OR3A2: variants seen among roughly 807,000 people sequenced by gnomAD.
The protein encoded by OR3A2 is olfactory receptor 3A2.
For missense variants in OR3A2, 318 were observed against 392.8 expected (o/e 0.81, Z 1.61); for synonymous variants, 126 against 159.3 (o/e 0.79, Z 1.57).
intron 2 of OR3A2, among the ~76,000 whole-genome samples, chr17:3,369,110 C>A (rs1270956515): frequency 1.3e-5 from 2 of 152,108 alleles, no homozygotes; most frequent in Non-Finnish European, 2.9e-5. Flanking sequence ...TTACTTAATT[C>A]ATTTATCAGA....
At chr17:3,359,387 GTA>G (rs1284113213) in intron 2 of OR3A2, among the ~76,000 whole-genome samples, 2 of 151,670 alleles carry the variant, frequency 1.3e-5, no homozygotes, top group South Asian at 2.1e-4. Context: ...GTGTGTTTAA[GTA>G]TGTTTTTGTA....
intron 2 of OR3A2, among the ~76,000 whole-genome samples, chr17:3,379,962 G>A (rs1047523769): frequency 6.6e-6 from 1 of 152,192 alleles, no homozygotes; most frequent in Non-Finnish European, 1.5e-5. Flanking sequence ...ACTAGCTGAG[G>A]ACTGAGGAGT....
intron 2 of OR3A2, among the ~76,000 whole-genome samples, chr17:3,379,758 C>T (rs569715975): frequency 6.6e-6 from 1 of 152,316 alleles, no homozygotes; most frequent in African/African-American, 2.4e-5. Context: ...GCCAGGGTCA[C>T]TAACACACCC....
chr17:3,341,298 C>A (rs1380753850), intron 2 of OR3A2, among the ~76,000 whole-genome samples: 1 of 152,112 alleles, frequency 6.6e-6, no homozygotes, highest in African/African-American at 2.4e-5. Flanking sequence ...GAATTTGATT[C>A]TGTCATTATG....
chr17:3,356,462 T>G (rs964470662), intron 2 of OR3A2, among the ~76,000 whole-genome samples: 8 of 151,532 alleles, frequency 5.3e-5, no homozygotes, highest in African/African-American at 2.0e-4. Flanking sequence ...GAGAAGATCT[T>G]TATTTTCCTT....
chr17:3,385,464 T>TAGAC (rs1449654777), intron 1 of OR3A2, among the ~76,000 whole-genome samples: 3 of 152,118 alleles, frequency 2.0e-5, no homozygotes, highest in Admixed American at 6.5e-5. Context: ...GATAGATAGA[T>TAGAC]AGATAGAGGA....
At chr17:3,378,294 G>T (rs944432966) in intron 2 of OR3A2, among the ~76,000 whole-genome samples, 6 of 152,230 alleles carry the variant, frequency 3.9e-5, no homozygotes, top group African/African-American at 1.2e-4. Context: ...AAGTCTGGAG[G>T]GGGCAGAGGC....
intron 2 of OR3A2, among the ~76,000 whole-genome samples, chr17:3,337,438 C>T (rs185141127): frequency 2.0e-5 from 3 of 151,924 alleles, no homozygotes; most frequent in Non-Finnish European, 4.4e-5. Flanking sequence ...CCCAACCCCA[C>T]GAGAGGCCCC....
chr17:3,321,157 C>T (rs1199596066), intron 3 of OR3A2, among the ~76,000 whole-genome samples: 1 of 151,666 alleles, frequency 6.6e-6, no homozygotes, highest in Admixed American at 6.6e-5. Flanking sequence ...AATGGGAGTT[C>T]ACTCATGATT....
intron 3 of OR3A2, among the ~76,000 whole-genome samples, chr17:3,305,201 G>A (rs2048990639): frequency 6.6e-6 from 1 of 152,116 alleles, no homozygotes; most frequent in Non-Finnish European, 1.5e-5. Context: ...GTATTTAGGG[G>A]GACATGTACT....
At chr17:3,337,546 T>C (rs947023334) in intron 2 of OR3A2, among the ~76,000 whole-genome samples, 3 of 152,166 alleles carry the variant, frequency 2.0e-5, no homozygotes, top group South Asian at 2.1e-4. Context: ...GTCCTTGCGA[T>C]AGTTTACTGA....
intron 3 of OR3A2, among the ~76,000 whole-genome samples, chr17:3,323,293 G>A (rs2049141025): frequency 6.6e-6 from 1 of 151,872 alleles, no homozygotes; most frequent in South Asian, 2.1e-4. Context: ...CACACTAATG[G>A]GTCTTGACTC....
At chr17:3,289,199 C>T (rs1424507134), upstream of OR3A2, among the ~76,000 whole-genome samples, 4 of 152,144 alleles carry the variant, frequency 2.6e-5, no homozygotes, top group South Asian at 2.1e-4. Flanking sequence ...GCGGATGGTG[C>T]GGAAGGGTGG....
intron 1 of OR3A2, among the ~76,000 whole-genome samples, chr17:3,281,717 A>G (rs1443040444): frequency 6.6e-6 from 1 of 152,196 alleles, no homozygotes; most frequent in African/African-American, 2.4e-5. Flanking sequence ...ACTTTATAAA[A>G]TGACACACAG....
chr17:3,330,781 T>C (rs1201427195), intron 3 of OR3A2, among the ~76,000 whole-genome samples: 1 of 152,146 alleles, frequency 6.6e-6, no homozygotes, highest in Non-Finnish European at 1.5e-5. Flanking sequence ...ATTTTGCTTG[T>C]TAGTTGATGC....
intron 3 of OR3A2, among the ~76,000 whole-genome samples, chr17:3,330,049 T>C (rs1461207778): frequency 6.8e-6 from 1 of 147,226 alleles, no homozygotes; most frequent in Non-Finnish European, 1.5e-5. Context: ...TCCTGAGTTC[T>C]AGCTTGATTG....
At chr17:3,348,697 T>G (rs1424762189) in intron 2 of OR3A2, among the ~76,000 whole-genome samples, 1 of 151,842 alleles carries the variant, frequency 6.6e-6, no homozygotes, top group African/African-American at 2.4e-5. Flanking sequence ...AAGATACTCC[T>G]CGAGAAGAGC....
intron 2 of OR3A2, among the ~76,000 whole-genome samples, chr17:3,345,387 G>C (rs1192549324): frequency 2.0e-5 from 3 of 151,472 alleles, no homozygotes; most frequent in East Asian, 3.9e-4. Context: ...TCATCAGAGA[G>C]AGTACAAGAC....
chr17:3,345,204 A>C (rs575888159), intron 2 of OR3A2, among the ~76,000 whole-genome samples: 1 of 152,328 alleles, frequency 6.6e-6, no homozygotes, highest in East Asian at 1.9e-4. Flanking sequence ...TAGAGGATTT[A>C]TCTCTCAGGG....
Sources: allele counts gnomAD v4.1 joint callset (sites outside exome capture counted in the v4.1 genomes callset), GRCh38; gene constraint gnomAD v4.1.1; transcripts MANE v1.5; gene names NCBI Gene and HGNC (gene_info 2026-07-23, HGNC 2026-07-21).